The following HEXB variants were observed in gnomAD, a reference collection of about 807,000 sequenced individuals.
HEXB encodes the protein hexosaminidase subunit beta.
HEXB carries 51 observed loss-of-function variants against 71.2 expected under a neutral mutation model. The observed-to-expected ratio is 0.72, with a 90% CI of 0.57 to 0.90. The LOEUF (loss-of-function observed/expected upper bound fraction) is 0.90, where lower values mean the gene tolerates loss of function less well. HEXB is among the 40% of genes least tolerant of loss of function. The pLI is 0.00. For missense variants in HEXB, 617 were observed against 677.0 expected, an observed-to-expected ratio of 0.91 and a Z score of 0.98; for synonymous variants, 266 against 249.3, an observed-to-expected ratio of 1.07 and a Z score of -0.63.
chr5:74,709,396 A>T (rs1749483426), intron 6 of HEXB, among the ~76,000 whole-genome samples: 2 of 152,186 alleles, frequency 1.3e-5, no homozygotes, highest in Admixed American at 1.3e-4. Context: ...GAAAAGCAAG[A>T]GCAAACACAT....
chr5:74,688,894 T>C (rs1748931966), intron 1 of HEXB, among the ~76,000 whole-genome samples: 1 of 152,216 alleles, frequency 6.6e-6, no homozygotes, highest in Non-Finnish European at 1.5e-5. Context: ...CACTTTAGTG[T>C]AGTGGCAACT....
chr5:74,706,417 C>G (rs2112158143), intron 6 of HEXB, among the ~76,000 whole-genome samples: 1 of 152,380 alleles, frequency 6.6e-6, no homozygotes, highest in Admixed American at 6.5e-5. Context: ...CCAGGTTCAT[C>G]TCACTAGGGA....
Position 74,652,854 on chromosome 5 carries a change from G to C in HEXB, c.-377+12296G>C, listed in dbSNP as rs888078143. ...CAGGCCCATCCCATAAGGAGCAAGG[G>C]GGAAAAGCCTCCCTCTTGGGCGACT... On this transcript the variant is annotated intron_variant, in intron 1 of 13. Coordinates refer to the HEXB transcript ENST00000511181. The surrounding 1 kb of genome is among the most constrained non-coding windows in gnomAD (Gnocchi z 5.4). Among the ~76,000 whole-genome samples the C allele has an allele frequency of 6.6e-6, 1 of 152,080 alleles. No individual in the cohort carries two copies. The highest frequency in any genetic ancestry group is 1.5e-5 in the Non-Finnish European group (1 of 68,014).
intron 1 of HEXB, among the ~76,000 whole-genome samples, chr5:74,647,527 G>A (rs537937391): frequency 8.5e-5 from 13 of 152,356 alleles, no homozygotes; most frequent in South Asian, 2.1e-4. Context: ...ACACTGATGC[G>A]TGTGTTGTCA....
rs1242865909 is a variant in HEXB at position 74,689,265 on chromosome 5, C to T, written c.300-63C>T. 12 of 1,271,622 alleles carry T rather than the reference C, an allele frequency of 9.4e-6. 1 individual carries two copies. In the East Asian group the frequency reaches 2.3e-4, roughly 24 times the overall value. The allele number at this position is 1,271,622 out of a possible 1,614,324, so 78.8% of individuals were successfully genotyped here. A position where few individuals can be genotyped will look rare whatever the true frequency, so the allele number is the denominator to read the frequency against. ...GGAGTTAACTACAATGTTACTAGCA[C>T]ATCTGTTTTAAAAATTTGGCTAAAA... is the stretch of plus-strand genomic sequence containing the variant. On this transcript the variant is annotated intron_variant, in intron 1 of 13. Coordinates refer to ENST00000261416, the MANE Select transcript of HEXB (RefSeq NM_000521.4).
chr5:74,683,247 G>A (rs1396380896), upstream of HEXB, among the ~76,000 whole-genome samples: 1 of 151,994 alleles, frequency 6.6e-6, no homozygotes, highest in Non-Finnish European at 1.5e-5. Flanking sequence ...CAAGATTAGA[G>A]TAATATTTCT....
At chr5:74,688,269 C>T (rs922488387) in intron 1 of HEXB, among the ~76,000 whole-genome samples, 2 of 150,424 alleles carry the variant, frequency 1.3e-5, no homozygotes, top group Admixed American at 1.3e-4. Context: ...AATGCCTTTA[C>T]AATATTTAAT....
intron 6 of HEXB, among the ~76,000 whole-genome samples, chr5:74,712,433 T>TA (rs34142144): frequency 0.13 from 18,851 of 143,120 alleles, 1,449 homozygotes; most frequent in African/African-American, 0.22. Flanking sequence ...AGTATGATAA[T>TA]AATAAAAAAA....
rs1749626661 is a variant in HEXB, at chr5:74,714,473, C to T, written c.901+838C>T. 2.0e-5 allele frequency among the ~76,000 whole-genome samples: 3 copies of T among 152,252 alleles called. No individual in the cohort carries two copies. The East Asian group carries it at 5.8e-4, about 29-fold the overall frequency. On this transcript the variant is annotated intron_variant, in intron 7 of 13. Coordinates refer to ENST00000261416, the MANE Select transcript of HEXB (RefSeq NM_000521.4). The stretch of plus-strand genomic sequence containing the variant: ...TTCATGTTTCTGGTAGAGGAAATGG[C>T]ATAAGGAAATGTGTGCAAAAAGTGT...
chr5:74,681,630 C>A (rs1198501187), upstream of HEXB, among the ~76,000 whole-genome samples: 2 of 152,160 alleles, frequency 1.3e-5, no homozygotes, highest in African/African-American at 4.8e-5. Flanking sequence ...AATAATGAGT[C>A]AGAGTTAATA....
intron 2 of HEXB, among the ~76,000 whole-genome samples, chr5:74,691,581 G>A (rs1427568187): frequency 6.6e-6 from 1 of 152,156 alleles, no homozygotes; most frequent in Admixed American, 6.5e-5. Flanking sequence ...TATGTGTAGA[G>A]GTGGACCCTG....
rs570574386 is a variant in HEXB at position 74,645,232 on chromosome 5, T to C, written c.-377+4674T>C. On this transcript the variant is annotated intron_variant, in intron 1 of 13. Transcript: ENST00000511181. Reference sequence around the variant, plus strand: ...TTTTAGAGGTGAGCCCGTGCTAAGTTGCCAGGCTGGAGTGCAGTGGCTATT... The same window carrying C: ...TTTTAGAGGTGAGCCCGTGCTAAGTCGCCAGGCTGGAGTGCAGTGGCTATT... 1.7e-3 allele frequency among the ~76,000 whole-genome samples: 255 copies of C among 150,674 alleles called. 1 individual carries two copies. Among genetic ancestry groups the C allele is most frequent in the Middle Eastern group, 3.5e-3 (1 of 286 alleles).
At chr5:74,669,887 G>A (rs942386259) in intron 1 of HEXB, among the ~76,000 whole-genome samples, 2 of 152,206 alleles carry the variant, frequency 1.3e-5, no homozygotes, top group Non-Finnish European at 2.9e-5. Context: ...GGGCGATGCA[G>A]AGACAGGCCA....
Position 74,697,090 on chromosome 5 carries a change from T to A in HEXB, c.653T>A (p.Ile218Asn). The A allele has an allele frequency of 6.8e-7, 1 of 1,476,570 alleles. No homozygotes were observed. The highest frequency in any genetic ancestry group is 9.5e-7 in the Non-Finnish European group (1 of 1,055,116). The allele number at this position is 1,476,570 out of a possible 1,614,324, so 91.5% of individuals were successfully genotyped here. The change falls in exon 5 of 14, where the codon ATT becomes AAT. Residue 218 changes from isoleucine (I) to asparagine (N), a missense_variant. By Grantham distance (149) the Ile-to-Asn change is moderately radical. Transcript: ENST00000261416. ...TCCAGACATTATCTGCCAGTTAAGA[T>A]TATTCTTAAAACTCTGGTAAGTAAT... ...DTSRHYLPVK[I>N]ILKTLDAMAF...
rs989299922 is a variant in HEXB, at chr5:74,715,692, T to C, written c.1082+2T>C. 12 of 1,587,254 alleles carry C rather than the reference T, an allele frequency of 7.6e-6. No homozygotes were observed. The highest frequency in any genetic ancestry group is 2.2e-5 in the East Asian group (1 of 44,706). ...AGATGAAGTGGAATTTAAATGTTGG[T>C]AAGATGATTCCTTAAAACCCCTTTA... On this transcript the variant is annotated splice_donor_variant, in intron 8 of 13. Coordinates refer to ENST00000261416, the MANE Select transcript of HEXB (RefSeq NM_000521.4). LOFTEE classifies it high-confidence loss of function.
At chr5:74,650,649 C>T (rs889542684) in intron 1 of HEXB, among the ~76,000 whole-genome samples, 6 of 151,962 alleles carry the variant, frequency 3.9e-5, no homozygotes, top group Non-Finnish European at 5.9e-5. Context: ...AGGCCAGGCG[C>T]GGTGGCTCAC....
chr5:74,691,485 TAAG>T (rs1749002878), intron 2 of HEXB, among the ~76,000 whole-genome samples: 1 of 152,158 alleles, frequency 6.6e-6, no homozygotes, highest in Admixed American at 6.5e-5. Flanking sequence ...TCACAACAGT[TAAG>T]AATAAAGAAG....
intron 1 of HEXB, among the ~76,000 whole-genome samples, chr5:74,664,166 G>C (rs1042838917): frequency 1.3e-5 from 2 of 151,920 alleles, no homozygotes; most frequent in Non-Finnish European, 2.9e-5. Flanking sequence ...TGAGACAGGA[G>C]AATGGCTTGT....
At chr5:74,688,207 TG>T (rs1215680168) in intron 1 of HEXB, among the ~76,000 whole-genome samples, 1 of 151,506 alleles carries the variant, frequency 6.6e-6, no homozygotes, top group Non-Finnish European at 1.5e-5. Context: ...CTCTGATTTT[TG>T]GATACCAACA....
Sources: gnomAD v4.1 joint callset for allele counts (sites outside exome capture counted in the v4.1 genomes callset) on GRCh38, gnomAD v4.1.1 for gene constraint, Gnocchi (gnomAD v3.1) non-coding constraint, MANE v1.5 for transcripts, NCBI Gene and HGNC (gene_info 2026-07-23, HGNC 2026-07-21) for gene names.